The following METTL25 variants were observed in gnomAD, a reference collection of about 807,000 sequenced individuals.
The protein encoded by METTL25 is methyltransferase like 25.
Under a neutral mutation model 71.6 loss-of-function variants are expected in METTL25, and 64 were observed. That is an observed-to-expected ratio of 0.89 (90% CI 0.73 to 1.10). The LOEUF (loss-of-function observed/expected upper bound fraction) is 1.10. Among genes scored for constraint, METTL25 ranks in the 50% least tolerant of loss-of-function variants. The pLI is 0.00. For missense variants in METTL25, 807 were observed against 707.0 expected (o/e 1.14, Z -1.60); for synonymous variants, 287 against 250.3 (o/e 1.15, Z -1.38).
At position 82,399,279 on chromosome 12, in the gene METTL25, C is replaced by G. The variant is rs1178328661; in HGVS notation, c.1016C>G (p.Ala339Gly). ...ATACCCAACAGAGAAACATCTGAAG[C>G]CAATAAAGAGAGAAGAAAAATGACA... ...QQIPNRETSE[A>G]NKERRKMTSK... The change falls in exon 4 of 12, where the codon GCC becomes GGC. Residue 339 changes from alanine (A) to glycine (G), a missense_variant. Physicochemically the swap from Ala to Gly is moderately conservative, Grantham distance 60. Transcript: ENST00000248306. The G allele has an allele frequency of 6.2e-7, 1 of 1,613,428 alleles. No homozygotes were observed. The highest frequency in any genetic ancestry group is 1.3e-5 in the African/African-American group (1 of 74,878).
intron 5 of METTL25, among the ~76,000 whole-genome samples, chr12:82,406,587 G>T (rs1039078270): frequency 1.3e-5 from 2 of 152,126 alleles, no homozygotes; most frequent in African/African-American, 4.8e-5. Flanking sequence ...GCTTAAGGCA[G>T]TGGTACTCTT....
intron 3 of METTL25, among the ~76,000 whole-genome samples, chr12:82,396,835 T>A (rs1886126183): frequency 6.6e-6 from 1 of 152,120 alleles, no homozygotes; most frequent in South Asian, 2.1e-4. Context: ...ATTGTACAAA[T>A]GGAATCATAG....
In METTL25 at chr12:82,462,129, A is replaced by G. The variant is rs146444748; in HGVS notation, c.1572+5309A>G. On this transcript the variant is annotated intron_variant, in intron 9 of 11. Coordinates refer to ENST00000248306, the MANE Select transcript of METTL25 (RefSeq NM_032230.3). ...GCCATTCAGTGTGCACTCTCAATTT[A>G]TAAGTTTGCATGTCTGTTCTTGCCT... 3.1e-3 allele frequency among the ~76,000 whole-genome samples: 471 copies of G among 152,258 alleles called. 5 individuals carry two copies. Among genetic ancestry groups the G allele is most frequent in the Admixed American group, 0.024 (369 of 15,286 alleles).
chr12:82,461,927 T>C (rs546606065), intron 9 of METTL25, among the ~76,000 whole-genome samples: 1 of 152,332 alleles, frequency 6.6e-6, no homozygotes, highest in African/African-American at 2.4e-5. Context: ...TCTTATATAT[T>C]GTCTCCCACT....
At chr12:82,371,681 C>G (rs1291232569) in intron 1 of METTL25, among the ~76,000 whole-genome samples, 2 of 152,032 alleles carry the variant, frequency 1.3e-5, no homozygotes, top group Admixed American at 6.5e-5. Context: ...ACTTTTGGAG[C>G]TTTCTCCTGA....
chr12:82,436,936 A>G (rs1242908044), intron 7 of METTL25, among the ~76,000 whole-genome samples: 1 of 151,620 alleles, frequency 6.6e-6, no homozygotes, highest in African/African-American at 2.4e-5. Flanking sequence ...GTGACTTTGA[A>G]TTTCAATAAA....
rs894387833 is a variant in METTL25, at chr12:82,420,220, A to G, written c.1280-10673A>G. Among the ~76,000 whole-genome samples the G allele has an allele frequency of 2.0e-5, 3 of 152,170 alleles. 1 individual carries two copies. Among genetic ancestry groups the G allele is most frequent in the Admixed American group, 2.0e-4 (3 of 15,252 alleles). ...AATAGGGAAGTATTAGTCAAAGGGT[A>G]CAAAGTTTTGATTATACAAAATAAA... On this transcript the variant is annotated intron_variant, in intron 5 of 11. Coordinates refer to ENST00000248306, the MANE Select transcript of METTL25 (RefSeq NM_032230.3).
At chr12:82,455,966 G>A (rs966903245) in intron 8 of METTL25, among the ~76,000 whole-genome samples, 3 of 151,866 alleles carry the variant, frequency 2.0e-5, no homozygotes, top group Admixed American at 1.3e-4. Context: ...GAATTGAGAT[G>A]CCGTCTTGAA....
chr12:82,471,273 C>A (rs1239466401), intron 9 of METTL25, among the ~76,000 whole-genome samples: 2 of 152,234 alleles, frequency 1.3e-5, no homozygotes, highest in Admixed American at 1.3e-4. Context: ...AGTCTGCATT[C>A]CTGTGTGGTC....
At chr12:82,456,047 C>T (rs912538790) in intron 8 of METTL25, among the ~76,000 whole-genome samples, 10 of 151,860 alleles carry the variant, frequency 6.6e-5, no homozygotes, top group African/African-American at 1.9e-4. Context: ...TCTAATTAAT[C>T]AGAGGTGTTA....
intron 5 of METTL25, among the ~76,000 whole-genome samples, chr12:82,412,892 T>TAA (rs1229649821): frequency 1.3e-5 from 2 of 152,030 alleles, no homozygotes; most frequent in East Asian, 3.9e-4. Context: ...TTACTTTACT[T>TAA]ACTGTTGTGC....
At position 82,399,272 on chromosome 12, in the gene METTL25, T is replaced by C. The variant is rs1486545360; in HGVS notation, c.1009T>C (p.Ser337Pro). The change falls in exon 4 of 12, where the codon TCT becomes CCT. Residue 337 changes from serine (S) to proline (P), a missense_variant. Physicochemically the swap from Ser to Pro is moderately conservative, Grantham distance 74. Transcript: ENST00000248306. ...ACAGCAAATACCCAACAGAGAAACA[T>C]CTGAAGCCAATAAAGAGAGAAGAAA... ...SSQQIPNRET[S>P]EANKERRKMT... The C allele has an allele frequency of 1.9e-6, 3 of 1,613,632 alleles. No homozygotes were observed. The African/African-American group carries it at 4.0e-5, about 22-fold the overall frequency.
intron 4 of METTL25, among the ~76,000 whole-genome samples, chr12:82,402,445 T>A (rs1301598049): frequency 6.6e-6 from 1 of 152,140 alleles, no homozygotes; most frequent in Non-Finnish European, 1.5e-5. Context: ...CAATTTTTGC[T>A]TTGTCTAGTT....
At chr12:82,400,746 A>G (rs929714071) in intron 4 of METTL25, among the ~76,000 whole-genome samples, 4 of 152,162 alleles carry the variant, frequency 2.6e-5, no homozygotes, top group Non-Finnish European at 4.4e-5. Context: ...TCACAATTTA[A>G]TAACAGAATT....
intron 5 of METTL25, among the ~76,000 whole-genome samples, chr12:82,426,813 G>A (rs1176888569): frequency 6.6e-6 from 1 of 151,726 alleles, no homozygotes; most frequent in Admixed American, 6.6e-5. Context: ...CCATATCTTC[G>A]CTTTATCACC....
chr12:82,370,877 C>G (rs550301842), intron 1 of METTL25, among the ~76,000 whole-genome samples: 1 of 152,216 alleles, frequency 6.6e-6, no homozygotes, highest in East Asian at 1.9e-4. Flanking sequence ...CTCCTCTCTC[C>G]TTCTTCTTTT....
At chr12:82,365,607 C>A (rs1365665079) in intron 1 of METTL25, among the ~76,000 whole-genome samples, 3 of 152,180 alleles carry the variant, frequency 2.0e-5, no homozygotes, top group Admixed American at 6.5e-5. Flanking sequence ...ACATTCTCAG[C>A]AGAATCATCA....
At chr12:82,474,046 G>A (rs1892732127) in intron 9 of METTL25, among the ~76,000 whole-genome samples, 1 of 152,118 alleles carries the variant, frequency 6.6e-6, no homozygotes, top group Admixed American at 6.5e-5. Context: ...GGTGGGAGTG[G>A]GGAGTGCGCG....
chr12:82,386,439 C>T (rs1353827401), intron 1 of METTL25, among the ~76,000 whole-genome samples: 1 of 119,540 alleles, frequency 8.4e-6, no homozygotes, highest in Non-Finnish European at 2.0e-5. Context: ...TCCTCCCTCC[C>T]TCCCTCCCTC....
Sources: gnomAD v4.1 joint callset for allele counts (sites outside exome capture counted in the v4.1 genomes callset) on GRCh38, gnomAD v4.1.1 for gene constraint, MANE v1.5 for transcripts, NCBI Gene and HGNC (gene_info 2026-07-23, HGNC 2026-07-21) for gene names.